The following PEF1 variants were observed in gnomAD, a reference collection of about 807,000 sequenced individuals.
PEF1 encodes penta-EF-hand domain containing 1, also known as peflin.
A neutral mutation model predicts 32.0 loss-of-function variants in PEF1; 17 were observed. That is an observed-to-expected ratio of 0.53 (90% confidence interval 0.36 to 0.80). PEF1 has a LOEUF of 0.80. PEF1 is among the 30% of genes least tolerant of loss of function. The probability of loss-of-function intolerance (pLI) is 0.00; values close to 1 mark genes in which losing one functional copy is unlikely to be tolerated. For missense variants in PEF1, 362 were observed against 369.1 expected (o/e 0.98, Z 0.16); for synonymous variants, 130 against 139.8 (o/e 0.93, Z 0.50).
intron 1 of PEF1, among the ~76,000 whole-genome samples, chr1:31,636,561 T>C (rs1346735020): frequency 6.6e-6 from 1 of 152,208 alleles, no homozygotes; most frequent in East Asian, 1.9e-4. Context: ...ACTTATCCTC[T>C]CTAAGCCTCA....
chr1:31,636,775 C>T (rs1049965216), intron 1 of PEF1, among the ~76,000 whole-genome samples: 3 of 152,192 alleles, frequency 2.0e-5, no homozygotes, highest in East Asian at 3.8e-4. Context: ...GGGGCTGGGA[C>T]CAGAACCTGG....
chr1:31,633,808 A>G (rs916764851), intron 2 of PEF1, among the ~76,000 whole-genome samples: 2 of 152,150 alleles, frequency 1.3e-5, no homozygotes, highest in Non-Finnish European at 2.9e-5. Context: ...ATAGAAAATT[A>G]GCCGGGCATG....
chr1:31,642,701 C>A (rs892175091), intron 1 of PEF1, among the ~76,000 whole-genome samples: 2 of 152,190 alleles, frequency 1.3e-5, no homozygotes, highest in Non-Finnish European at 2.9e-5. Context: ...GTATTTCACT[C>A]CAGGAATAGC....
At chr1:31,630,914 G>A (rs1304570081) in intron 4 of PEF1, 72 bp from the exon 5 acceptor site, 4 of 1,262,430 alleles carry the variant, frequency 3.2e-6, no homozygotes, top group Non-Finnish European at 4.5e-6. Context: ...CAGGAATACT[G>A]GATCACAACA....
intron 1 of PEF1, among the ~76,000 whole-genome samples, chr1:31,639,513 C>T (rs1315000004): frequency 2.6e-5 from 4 of 152,118 alleles, no homozygotes; most frequent in East Asian, 1.9e-4. Context: ...GGCTTTATGC[C>T]GGAGAAAACA....
intron 4 of PEF1, among the ~76,000 whole-genome samples, chr1:31,631,735 C>T (rs993395361): frequency 2.0e-5 from 3 of 152,204 alleles, no homozygotes; most frequent in African/African-American, 4.8e-5. Flanking sequence ...CTAATATCCA[C>T]GACAAAAGCT....
intron 1 of PEF1, chr1:31,644,334 C>T: frequency 1.0e-6 from 1 of 979,338 alleles, no homozygotes; most frequent in African/African-American, 1.8e-5. Context: ...CTTTTCTACA[C>T]GCGAAATGGC....
chr1:31,642,654 T>C (rs1557590146), intron 1 of PEF1, among the ~76,000 whole-genome samples: 1 of 152,192 alleles, frequency 6.6e-6, no homozygotes, highest in Non-Finnish European at 1.5e-5. Context: ...AACATTTCTT[T>C]TTCTATTCCA....
intron 1 of PEF1, among the ~76,000 whole-genome samples, chr1:31,638,125 G>C (rs1198999623): frequency 6.6e-6 from 1 of 152,218 alleles, no homozygotes; most frequent in African/African-American, 2.4e-5. Context: ...GCAAAGGAAG[G>C]AGGGTAAAAT....
chr1:31,638,350 A>G (rs1158814108), intron 1 of PEF1, among the ~76,000 whole-genome samples: 4 of 152,280 alleles, frequency 2.6e-5, no homozygotes, highest in East Asian at 3.9e-4. Flanking sequence ...CTTGCACCCA[A>G]TGACTCCCCC....
Position 31,630,677 on chromosome 1 carries a change from A to G in PEF1, c.791T>C (p.Val264Ala). 1 of 1,613,736 alleles carries G rather than the reference A, an allele frequency of 6.2e-7. No homozygotes were observed. Residue 264 changes from valine (V) to alanine (A), a missense_variant, in exon 5 of 5, where the codon GTA (valine) becomes GCA (alanine). Transcript: ENST00000373703. ...GAAGCTGAGCCGAATGTTGCCTTGT[A>G]CAGCTGTGTCCTTCTCCCGGAAGGC... is the stretch of plus-strand genomic sequence containing the variant. ...TEAFREKDTA[V>A]QGNIRLSFED...
At chr1:31,639,807 T>A (rs986897160) in intron 1 of PEF1, among the ~76,000 whole-genome samples, 2 of 152,180 alleles carry the variant, frequency 1.3e-5, no homozygotes, top group Non-Finnish European at 2.9e-5. Flanking sequence ...TTCTAGCTTT[T>A]GCACAAGATG....
Position 31,630,506 on chromosome 1 carries a change from A to G in PEF1, c.*107T>C, listed in dbSNP as rs1640064396. ...AACAGTGTTGCATCAAGCAAGGGAG[A>G]ATGTTCTTCTAGAGGGACAGGAAAA... On this transcript the variant is annotated 3_prime_UTR_variant, in exon 5 of 5. Coordinates refer to ENST00000373703, the MANE Select transcript of PEF1 (RefSeq NM_012392.4). The G allele has an allele frequency of 5.3e-6, 6 of 1,122,430 alleles. No individual in the cohort carries two copies. Among genetic ancestry groups the G allele is most frequent in the Non-Finnish European group, 7.8e-6 (6 of 772,284 alleles). 69.5% of individuals were successfully genotyped at this position (1,122,430 alleles called of 1,614,324 possible).
At chr1:31,633,950 C>T (rs1485103791) in intron 2 of PEF1, among the ~76,000 whole-genome samples, 3 of 144,390 alleles carry the variant, frequency 2.1e-5, no homozygotes, top group Non-Finnish European at 4.5e-5. Context: ...AGCGAAACTC[C>T]ATCTCAAAAA....
chr1:31,638,461 A>G (rs907195264), intron 1 of PEF1, among the ~76,000 whole-genome samples: 2 of 152,228 alleles, frequency 1.3e-5, no homozygotes, highest in Admixed American at 6.5e-5. Context: ...GCACACCCAA[A>G]GAACAGGCCA....
intron 1 of PEF1, among the ~76,000 whole-genome samples, chr1:31,637,154 G>A (rs556127507): frequency 1.6e-5 from 2 of 121,712 alleles, no homozygotes; most frequent in East Asian, 2.0e-4. Context: ...GGGGAGGGCA[G>A]GAAGCAGGCC....
chr1:31,635,614 T>C (rs1640236146), intron 1 of PEF1, 92 bp from the exon 2 acceptor site: 1 of 1,206,428 alleles, frequency 8.3e-7, no homozygotes, highest in African/African-American at 1.6e-5. Flanking sequence ...TCCACCACCA[T>C]CCTTTCAACT....
intron 1 of PEF1, among the ~76,000 whole-genome samples, chr1:31,641,287 C>G (rs1245971490): frequency 2.0e-5 from 3 of 152,160 alleles, no homozygotes; most frequent in Non-Finnish European, 4.4e-5. Context: ...TCTCCTCTAC[C>G]AGGTCACAGT....
rs529436794 is a variant in PEF1, at chr1:31,632,785, T to C, written c.482-147A>G. On this transcript the variant is annotated intron_variant, in intron 3 of 4. Coordinates refer to ENST00000373703, the MANE Select transcript of PEF1 (RefSeq NM_012392.4). ...GCCCTGAGGCCCAGATGCCTGCACC[T>C]GAGACACCCACATCAAGCGTTGCAC... The C allele has an allele frequency of 1.1e-5, 10 of 938,352 alleles. No individual in the cohort carries two copies. In the Admixed American group the frequency reaches 2.2e-4, roughly 21 times the overall value. 58.1% of individuals were successfully genotyped at this position (938,352 alleles called of 1,614,324 possible). A position where few individuals can be genotyped will look rare whatever the true frequency, so the allele number is the denominator to read the frequency against.
Sources: allele counts gnomAD v4.1 joint callset (sites outside exome capture counted in the v4.1 genomes callset), GRCh38; gene constraint gnomAD v4.1.1; transcripts MANE v1.5; gene names NCBI Gene and HGNC (gene_info 2026-07-23, HGNC 2026-07-21).